The following SORCS3 variants were observed in gnomAD, a reference collection of about 807,000 sequenced individuals.
The protein encoded by SORCS3 is VPS10 domain-containing receptor SorCS3.
SORCS3 carries 57 observed loss-of-function variants against 146.3 expected under a neutral mutation model. The observed-to-expected ratio is 0.39, with a 90% CI of 0.31 to 0.49. The LOEUF (loss-of-function observed/expected upper bound fraction) is 0.49, where lower values mean the gene tolerates loss of function less well. Among genes scored for constraint, SORCS3 ranks in the 20% least tolerant of loss-of-function variants. The probability of loss-of-function intolerance (pLI) is 0.92; values close to 1 mark genes in which losing one functional copy is unlikely to be tolerated. For missense variants in SORCS3, 1,341 were observed against 1,575.5 expected (o/e 0.85, Z 2.52); for synonymous variants, 653 against 618.5 (o/e 1.06, Z -0.83).
chr10:104,794,604 T>TGA (rs1282779287), intron 1 of SORCS3, among the ~76,000 whole-genome samples: 10 of 140,232 alleles, frequency 7.1e-5, no homozygotes, highest in South Asian at 4.7e-4. Flanking sequence ...TGTGTGTGTG[T>TGA]GAGAGAGAGA....
chr10:104,709,921 T>G (rs183931948), intron 1 of SORCS3, among the ~76,000 whole-genome samples: 1 of 151,468 alleles, frequency 6.6e-6, no homozygotes, highest in East Asian at 1.9e-4. Context: ...ATTAAAAAAA[T>G]TTTTTTTAAC....
chr10:104,803,750 A>C (rs1246346930), intron 1 of SORCS3, among the ~76,000 whole-genome samples: 3 of 152,160 alleles, frequency 2.0e-5, no homozygotes, highest in Admixed American at 2.0e-4. Flanking sequence ...CTCTCACTGC[A>C]GGTGAGTGAC....
chr10:104,892,245 G>A (rs999320708), intron 2 of SORCS3, among the ~76,000 whole-genome samples: 1 of 152,162 alleles, frequency 6.6e-6, no homozygotes, highest in Non-Finnish European at 1.5e-5. Context: ...TGTGTTTAGG[G>A]AGATGCACTA....
chr10:104,722,120 T>C (rs1422716106), intron 1 of SORCS3, among the ~76,000 whole-genome samples: 44 of 152,128 alleles, frequency 2.9e-4, no homozygotes, highest in Admixed American at 1.4e-3. Context: ...GGGTTTGTCA[T>C]AGATAGCTCT....
At chr10:104,751,935 A>ATG (rs1369546576) in intron 1 of SORCS3, among the ~76,000 whole-genome samples, 2 of 76,774 alleles carry the variant, frequency 2.6e-5, no homozygotes, top group Non-Finnish European at 4.7e-5. Flanking sequence ...ATATATATAT[A>ATG]TATATATATA....
intron 1 of SORCS3, among the ~76,000 whole-genome samples, chr10:104,751,804 T>C (rs2016986396): frequency 6.6e-6 from 1 of 151,148 alleles, no homozygotes. Flanking sequence ...TGGAGGTGGC[T>C]CCTACCCAGA....
chr10:105,209,824 T>C (rs2056623522), intron 16 of SORCS3, among the ~76,000 whole-genome samples: 1 of 152,012 alleles, frequency 6.6e-6, no homozygotes, highest in Admixed American at 6.6e-5. Context: ...TGGGGTGGGG[T>C]CAGACTCGGA....
At chr10:105,229,946 C>T (rs1477857328) in intron 20 of SORCS3, among the ~76,000 whole-genome samples, 1 of 152,052 alleles carries the variant, frequency 6.6e-6, no homozygotes, top group African/African-American at 2.4e-5. Context: ...GCAGGATAAC[C>T]CTCTGTGTCT....
intron 3 of SORCS3, among the ~76,000 whole-genome samples, chr10:104,946,275 T>G (rs1352179410): frequency 2.6e-5 from 4 of 151,984 alleles, no homozygotes; most frequent in African/African-American, 9.7e-5. Flanking sequence ...ACGGCTGTTC[T>G]TGTTTCTGCT....
chr10:104,654,087 A>C (rs1270708923), intron 1 of SORCS3, among the ~76,000 whole-genome samples: 1 of 152,234 alleles, frequency 6.6e-6, no homozygotes, highest in Non-Finnish European at 1.5e-5. Flanking sequence ...ATTTCACTTA[A>C]CATAATGACC....
At chr10:105,031,476 TA>T in intron 4 of SORCS3, among the ~76,000 whole-genome samples, 1 of 152,290 alleles carries the variant, frequency 6.6e-6, no homozygotes, top group Non-Finnish European at 1.5e-5. Flanking sequence ...ATTATATATC[TA>T]AAGGAACCTA....
intron 1 of SORCS3, among the ~76,000 whole-genome samples, chr10:104,682,111 T>C (rs975305278): frequency 2.0e-5 from 3 of 152,332 alleles, no homozygotes; most frequent in African/African-American, 7.2e-5. Context: ...TGGGGAAACT[T>C]AGCAAGGCAA....
At chr10:104,902,442 G>A (rs2018861297) in intron 2 of SORCS3, among the ~76,000 whole-genome samples, 1 of 152,218 alleles carries the variant, frequency 6.6e-6, no homozygotes, top group Admixed American at 6.5e-5. Flanking sequence ...CAGGGTCCTT[G>A]AGCCAAGGCC....
intron 6 of SORCS3, among the ~76,000 whole-genome samples, chr10:105,099,852 G>A (rs904079100): frequency 2.0e-5 from 3 of 152,168 alleles, no homozygotes; most frequent in Non-Finnish European, 4.4e-5. Flanking sequence ...ATATTCATTT[G>A]TGAACATCCT....
intron 1 of SORCS3, among the ~76,000 whole-genome samples, chr10:104,811,797 A>G (rs1483270512): frequency 2.0e-5 from 3 of 152,164 alleles, no homozygotes; most frequent in Non-Finnish European, 4.4e-5. Context: ...GCTGAAGGCT[A>G]TGGACTTTTG....
At chr10:105,031,203 G>A (rs1487072662) in intron 4 of SORCS3, among the ~76,000 whole-genome samples, 7 of 151,896 alleles carry the variant, frequency 4.6e-5, no homozygotes. Flanking sequence ...GGAGGCTGAG[G>A]CAGGAGAATT....
intron 4 of SORCS3, among the ~76,000 whole-genome samples, chr10:105,004,110 G>A (rs375129420): frequency 1.1e-4 from 17 of 151,270 alleles, no homozygotes; most frequent in African/African-American, 4.1e-4. Context: ...ATTTTTATGG[G>A]ACTGTGGGTG....
At chr10:104,794,746 C>T (rs907026664) in intron 1 of SORCS3, among the ~76,000 whole-genome samples, 2 of 152,116 alleles carry the variant, frequency 1.3e-5, no homozygotes, top group African/African-American at 4.8e-5. Context: ...ACAGGTTTTG[C>T]TGCCACAGCA....
intron 5 of SORCS3, among the ~76,000 whole-genome samples, chr10:105,047,939 A>G (rs1317719237): frequency 6.6e-6 from 1 of 152,154 alleles, no homozygotes; most frequent in East Asian, 1.9e-4. Context: ...AAAAATGCTC[A>G]TCATCACTGG....
Sources: gnomAD v4.1 joint callset for allele counts (sites outside exome capture counted in the v4.1 genomes callset) on GRCh38, gnomAD v4.1.1 for gene constraint, MANE v1.5 for transcripts, NCBI Gene and HGNC (gene_info 2026-07-23, HGNC 2026-07-21) for gene names.